Variants in CCSER1 observed in about 807,000 individuals in gnomAD.
CCSER1 encodes the protein serine-rich coiled-coil domain-containing protein 1.
A neutral mutation model predicts 82.0 loss-of-function variants in CCSER1; 41 were observed. The observed-to-expected ratio is 0.50, with a 90% CI of 0.39 to 0.65. The LOEUF (loss-of-function observed/expected upper bound fraction) is 0.65. CCSER1 is among the 30% of genes least tolerant of loss of function. The pLI is 0.00. For missense variants in CCSER1, 1,119 were observed against 1,064.2 expected (o/e 1.05, Z -0.72); for synonymous variants, 414 against 383.9 (o/e 1.08, Z -0.92).
chr4:90,372,599 A>C (rs891747523), intron 3 of CCSER1, among the ~76,000 whole-genome samples: 4 of 152,038 alleles, frequency 2.6e-5, no homozygotes, highest in African/African-American at 7.2e-5. Flanking sequence ...AAAATCCAAA[A>C]TTTAGCCGGG....
Position 91,226,176 on chromosome 4 carries a change from AAG to A in CCSER1, c.2217+140183_2217+140184del, listed in dbSNP as rs540014966. 2.6e-5 allele frequency among the ~76,000 whole-genome samples: 4 copies of A among 152,022 alleles called. No homozygotes were observed. In the South Asian group the frequency reaches 8.3e-4, roughly 31 times the overall value. ...TTCCTAAAATTAATGACTCAGAGAA[AAG>A]GACTAAAAGAAGACAATGAAAGATA... On this transcript the variant is annotated intron_variant, in intron 10 of 10. Coordinates refer to ENST00000509176, the MANE Select transcript of CCSER1 (RefSeq NM_001145065.2).
chr4:90,756,695 T>C (rs544529746), intron 7 of CCSER1, among the ~76,000 whole-genome samples: 1 of 152,342 alleles, frequency 6.6e-6, no homozygotes, highest in South Asian at 2.1e-4. Context: ...ATAAAAATTA[T>C]ATTCCTAGTT....
At chr4:90,542,334 T>C (rs1304615580) in intron 5 of CCSER1, among the ~76,000 whole-genome samples, 2 of 152,110 alleles carry the variant, frequency 1.3e-5, no homozygotes, top group East Asian at 3.8e-4. Context: ...GATAATATTC[T>C]GCAGATGAGA....
intron 5 of CCSER1, among the ~76,000 whole-genome samples, chr4:90,558,145 A>G (rs1778345516): frequency 6.6e-6 from 1 of 152,128 alleles, no homozygotes; most frequent in Admixed American, 6.5e-5. Context: ...ACTACTGATT[A>G]TTTCAGGAAA....
chr4:90,609,237 A>C (rs1785141790), intron 5 of CCSER1, among the ~76,000 whole-genome samples: 1 of 152,090 alleles, frequency 6.6e-6, no homozygotes, highest in African/African-American at 2.4e-5. Flanking sequence ...TAGTGTGATC[A>C]TGTCATTTTC....
chr4:91,292,618 C>A (rs1743838702), intron 10 of CCSER1, among the ~76,000 whole-genome samples: 2 of 151,856 alleles, frequency 1.3e-5, no homozygotes, highest in African/African-American at 4.8e-5. Flanking sequence ...ACAAGCAGAT[C>A]AGGGACTTCA....
chr4:90,813,449 A>G (rs1758602473), intron 7 of CCSER1, among the ~76,000 whole-genome samples: 1 of 152,164 alleles, frequency 6.6e-6, no homozygotes, highest in African/African-American at 2.4e-5. Flanking sequence ...AGTGCCTGAT[A>G]TAGTTTGGCT....
chr4:91,326,446 A>T (rs1746563396), intron 10 of CCSER1, among the ~76,000 whole-genome samples: 2 of 152,130 alleles, frequency 1.3e-5, no homozygotes, highest in Non-Finnish European at 1.5e-5. Context: ...TAGAACAGTA[A>T]GGGGGAAATC....
At chr4:90,303,071 G>T (rs540949143) in intron 1 of CCSER1, among the ~76,000 whole-genome samples, 295 of 151,932 alleles carry the variant, frequency 1.9e-3, no homozygotes, top group Non-Finnish European at 3.1e-3. Context: ...ACATGTGAAG[G>T]ATATTTACCT....
chr4:91,162,341 A>G (rs1026929222), intron 10 of CCSER1, among the ~76,000 whole-genome samples: 3 of 152,166 alleles, frequency 2.0e-5, no homozygotes, highest in Admixed American at 2.0e-4. Context: ...CCAGTATTTT[A>G]TTGAGGATTT....
chr4:90,578,421 C>A (rs1028938606), intron 5 of CCSER1, among the ~76,000 whole-genome samples: 3 of 152,088 alleles, frequency 2.0e-5, no homozygotes, highest in Non-Finnish European at 1.5e-5. Context: ...CGAAAGCCAG[C>A]AAAACCAGGC....
chr4:90,766,486 A>G (rs1751245889), intron 7 of CCSER1, among the ~76,000 whole-genome samples: 1 of 152,094 alleles, frequency 6.6e-6, no homozygotes, highest in African/African-American at 2.4e-5. Context: ...AGAATATGTC[A>G]CAAATCATTG....
intron 4 of CCSER1, among the ~76,000 whole-genome samples, chr4:90,456,034 C>T (rs1323979645): frequency 6.6e-6 from 1 of 152,144 alleles, no homozygotes; most frequent in Non-Finnish European, 1.5e-5. Flanking sequence ...GGCAGCCCAT[C>T]TCTTGCTTCC....
intron 9 of CCSER1, among the ~76,000 whole-genome samples, chr4:91,049,817 T>C (rs1742838907): frequency 6.6e-6 from 1 of 152,258 alleles, no homozygotes; most frequent in African/African-American, 2.4e-5. Flanking sequence ...GCAGCATTAC[T>C]TCATTTGTAA....
intron 3 of CCSER1, among the ~76,000 whole-genome samples, chr4:90,377,469 G>A (rs866216084): frequency 6.6e-6 from 1 of 152,120 alleles, no homozygotes; most frequent in Non-Finnish European, 1.5e-5. Flanking sequence ...TGTAATATGT[G>A]CAGCAGAATC....
chr4:90,671,071 T>C (rs1372792941), intron 6 of CCSER1, among the ~76,000 whole-genome samples: 1 of 152,100 alleles, frequency 6.6e-6, no homozygotes, highest in African/African-American at 2.4e-5. Context: ...TAAAAATACT[T>C]TATTGCTAAA....
intron 10 of CCSER1, among the ~76,000 whole-genome samples, chr4:91,591,428 G>C (rs1223145330): frequency 1.3e-5 from 2 of 151,900 alleles, no homozygotes; most frequent in African/African-American, 4.8e-5. Flanking sequence ...GTATTATAGA[G>C]TGTATTCTGT....
At chr4:90,953,280 G>A (rs1733104186) in intron 9 of CCSER1, among the ~76,000 whole-genome samples, 1 of 151,460 alleles carries the variant, frequency 6.6e-6, no homozygotes, top group South Asian at 2.1e-4. Flanking sequence ...GAACATCAAG[G>A]AAAAAATTTT....
chr4:91,373,938 A>G (rs1171606145), intron 10 of CCSER1, among the ~76,000 whole-genome samples: 1 of 152,210 alleles, frequency 6.6e-6, no homozygotes, highest in African/African-American at 2.4e-5. Flanking sequence ...CTGGATAAAA[A>G]ATCAAATTAG....
Sources: allele counts gnomAD v4.1 joint callset (sites outside exome capture counted in the v4.1 genomes callset), GRCh38; gene constraint gnomAD v4.1.1; transcripts MANE v1.5; gene names NCBI Gene and HGNC (gene_info 2026-07-23, HGNC 2026-07-21).